The following FHIP2A variants were observed in gnomAD, a reference collection of about 807,000 sequenced individuals.
The protein encoded by FHIP2A is FHF complex subunit HOOK interacting protein 2A, also known as family with sequence similarity 160 member B1.
In FHIP2A, 46 loss-of-function variants were observed where a neutral mutation model predicts 93.5. The observed-to-expected ratio is 0.49, with a 90% CI of 0.39 to 0.63. FHIP2A has a LOEUF of 0.63. Among genes scored for constraint, FHIP2A ranks in the 20% least tolerant of loss-of-function variants. The pLI, the probability that FHIP2A is intolerant of heterozygous loss-of-function variation, is 0.00. For missense variants in FHIP2A, 769 were observed against 909.7 expected (o/e 0.85, Z 1.99); for synonymous variants, 332 against 326.5 (o/e 1.02, Z -0.18).
At chr10:114,837,771 A>AT (rs1430527372) in intron 5 of FHIP2A, among the ~76,000 whole-genome samples, 3 of 152,210 alleles carry the variant, frequency 2.0e-5, no homozygotes, top group Non-Finnish European at 4.4e-5. Flanking sequence ...TTTCCCAAAA[A>AT]GTCATAGCAA....
chr10:114,846,547 T>C lies in FHIP2A; in HGVS notation c.1399-12T>C, dbSNP rs1304988174. On this transcript the variant is annotated splice_polypyrimidine_tract_variant and intron_variant, in intron 10 of 16. Transcript: ENST00000369248. ...ACATTTTTCAGTTAGCTTTTATCAA[T>C]TTTGGTTTCAGATAAGCATAATGAC... is the stretch of plus-strand genomic sequence containing the variant. 1.3e-6 allele frequency: 2 copies of C among 1,570,666 alleles called. No individual in the cohort carries two copies. The highest frequency in any genetic ancestry group is 1.7e-6 in the Non-Finnish European group (2 of 1,162,028).
At chr10:114,878,791 A>AAAAGAAAGAAAGAAAG (rs35334845) in intron 16 of FHIP2A, among the ~76,000 whole-genome samples, 13 of 135,462 alleles carry the variant, frequency 9.6e-5, no homozygotes, top group African/African-American at 3.6e-4. Flanking sequence ...AAAAAAAAAA[A>AAAAGAAAGAAAGAAAG]AAAGAAAGAA....
chr10:114,825,174 C>CGTGGT (rs1276152586), intron 1 of FHIP2A, among the ~76,000 whole-genome samples: 4 of 152,170 alleles, frequency 2.6e-5, no homozygotes, highest in Non-Finnish European at 5.9e-5. Context: ...AGCACCACCA[C>CGTGGT]ACTCAATTTT....
downstream of FHIP2A, among the ~76,000 whole-genome samples, chr10:114,865,693 G>C (rs1489736343): frequency 1.3e-5 from 2 of 151,960 alleles, no homozygotes; most frequent in African/African-American, 4.8e-5. Flanking sequence ...TAAGAATTTA[G>C]CAGTGTTTTA....
Position 114,890,478 on chromosome 10 carries a change from A to G in FHIP2A, c.2193-9012A>G, listed in dbSNP as rs1245741144. On this transcript the variant is annotated intron_variant, in intron 16 of 16. Coordinates refer to the FHIP2A transcript ENST00000369250. ...ACATATATTTGCATATATTATATAT[A>G]CAATATATACTATATATGACATATA... Among the ~76,000 whole-genome samples, 3 of 148,290 alleles carry G rather than the reference A, an allele frequency of 2.0e-5. No individual in the cohort carries two copies. The East Asian group carries it at 5.8e-4, about 29-fold the overall frequency.
intron 13 of FHIP2A, 119 bp downstream of exon 13, chr10:114,848,856 A>T: frequency 1.5e-6 from 1 of 682,010 alleles, no homozygotes; most frequent in Non-Finnish European, 2.5e-6. Flanking sequence ...TAAAAATGAG[A>T]CCTGGGCCGG....
chr10:114,829,726 T>C (rs979454793), intron 1 of FHIP2A, among the ~76,000 whole-genome samples: 6 of 152,192 alleles, frequency 3.9e-5, no homozygotes, highest in Admixed American at 6.5e-5. Flanking sequence ...AAGATGGAGT[T>C]GCTGTGGTTC....
chr10:114,829,711 T>C (rs1238301479), intron 1 of FHIP2A, among the ~76,000 whole-genome samples: 1 of 152,226 alleles, frequency 6.6e-6, no homozygotes, highest in East Asian at 1.9e-4. Context: ...ACCCAGCTCC[T>C]GTTCAAGATG....
chr10:114,836,061 T>C, intron 4 of FHIP2A, 63 bp from the exon 5 acceptor site: 2 of 1,316,832 alleles, frequency 1.5e-6, no homozygotes, highest in Non-Finnish European at 2.1e-6. Flanking sequence ...AAATGAATGG[T>C]TATTTTACAA....
chr10:114,881,936 G>A (rs748501988), intron 16 of FHIP2A, among the ~76,000 whole-genome samples: 10 of 152,314 alleles, frequency 6.6e-5, no homozygotes, highest in Non-Finnish European at 1.2e-4. Flanking sequence ...GTGCGTGCAC[G>A]TGCGCGTGTG....
intron 16 of FHIP2A, among the ~76,000 whole-genome samples, chr10:114,875,849 AAGAAAAAG>A (rs1250386434): frequency 2.7e-5 from 4 of 147,726 alleles, no homozygotes; most frequent in African/African-American, 5.2e-5. Flanking sequence ...GAAAGAAAGA[AAGAAAAAG>A]AAAGAAAGAA....
intron 16 of FHIP2A, among the ~76,000 whole-genome samples, chr10:114,881,396 A>T (rs1465818370): frequency 6.6e-6 from 1 of 152,078 alleles, no homozygotes; most frequent in Admixed American, 6.5e-5. Flanking sequence ...CGCTGATTGG[A>T]TCTTGGCCCC....
intron 13 of FHIP2A, among the ~76,000 whole-genome samples, chr10:114,854,530 GA>G (rs568112895): frequency 7.5e-4 from 114 of 151,670 alleles, no homozygotes; most frequent in Middle Eastern, 6.8e-3. Flanking sequence ...AAAATGAAGA[GA>G]AAAAAAGACA....
intron 16 of FHIP2A, among the ~76,000 whole-genome samples, chr10:114,887,351 CA>C (rs1455712316): frequency 6.6e-6 from 1 of 152,306 alleles, no homozygotes; most frequent in South Asian, 2.1e-4. Context: ...ATTTCATTAA[CA>C]ATAAGCTCCT....
At chr10:114,837,605 T>C (rs1230537496) in intron 5 of FHIP2A, among the ~76,000 whole-genome samples, 1 of 152,212 alleles carries the variant, frequency 6.6e-6, no homozygotes, top group African/African-American at 2.4e-5. Flanking sequence ...CGTTTCAGTC[T>C]GCATTCTGTG....
At chr10:114,867,110 G>C (rs1404346245), downstream of FHIP2A, among the ~76,000 whole-genome samples, 3 of 151,848 alleles carry the variant, frequency 2.0e-5, no homozygotes, top group Non-Finnish European at 4.4e-5. Context: ...TCTGGAGGCT[G>C]AGGCAGGAGA....
At chr10:114,868,374 T>G (rs2083841067), downstream of FHIP2A, among the ~76,000 whole-genome samples, 2 of 152,226 alleles carry the variant, frequency 1.3e-5, no homozygotes, top group Admixed American at 1.3e-4. Context: ...ACGCTCCTTA[T>G]AAAAATCTAA....
At chr10:114,873,381 A>C (rs1262317825) in intron 16 of FHIP2A, among the ~76,000 whole-genome samples, 1 of 152,206 alleles carries the variant, frequency 6.6e-6, no homozygotes, top group Non-Finnish European at 1.5e-5. Context: ...CACTGTCAGC[A>C]TGATGTTGGG....
intron 1 of FHIP2A, among the ~76,000 whole-genome samples, chr10:114,829,110 T>C (rs1270706299): frequency 6.6e-6 from 1 of 152,196 alleles, no homozygotes; most frequent in African/African-American, 2.4e-5. Context: ...AGAGGAAGTC[T>C]ATGAAAATGG....
Sources: allele counts gnomAD v4.1 joint callset (sites outside exome capture counted in the v4.1 genomes callset), GRCh38; gene constraint gnomAD v4.1.1; transcripts MANE v1.5; gene names NCBI Gene and HGNC (gene_info 2026-07-23, HGNC 2026-07-21).